The following SDK1 variants were observed in gnomAD, a reference collection of about 807,000 sequenced individuals.
The protein encoded by SDK1 is sidekick cell adhesion molecule 1.
SDK1 carries 157 observed loss-of-function variants against 245.5 expected under a neutral mutation model. That is an observed-to-expected ratio of 0.64 (90% CI 0.56 to 0.73). The LOEUF (loss-of-function observed/expected upper bound fraction) is 0.73, where lower values mean the gene tolerates loss of function less well. Among genes scored for constraint, SDK1 ranks in the 30% least tolerant of loss-of-function variants. The pLI is 0.00. For missense variants in SDK1, 3,583 were observed against 3,002.3 expected (o/e 1.19, Z -4.52); for synonymous variants, 1,647 against 1,278.5 (o/e 1.29, Z -6.15).
chr7:3,539,509 C>G (rs955149416), intron 1 of SDK1, among the ~76,000 whole-genome samples: 4 of 152,274 alleles, frequency 2.6e-5, no homozygotes, highest in Non-Finnish European at 5.9e-5. Context: ...TTTCTGCCCG[C>G]CTTGAAAGTC....
chr7:3,634,067 A>T (rs1464607765), intron 2 of SDK1, among the ~76,000 whole-genome samples: 4 of 152,068 alleles, frequency 2.6e-5, no homozygotes, highest in African/African-American at 9.7e-5. Flanking sequence ...ATCCAGAGCA[A>T]ATGTGTCTAA....
chr7:3,410,109 C>G (rs563007380), intron 1 of SDK1, among the ~76,000 whole-genome samples: 12 of 152,204 alleles, frequency 7.9e-5, no homozygotes, highest in African/African-American at 2.4e-4. Flanking sequence ...ATAAGTAATA[C>G]TTAAGTGTTA....
intron 17 of SDK1, among the ~76,000 whole-genome samples, chr7:4,033,094 G>A (rs1158917760): frequency 1.3e-5 from 2 of 152,174 alleles, no homozygotes; most frequent in Non-Finnish European, 2.9e-5. Flanking sequence ...CTAAAATGGT[G>A]TGTCTATTGG....
At chr7:4,197,492 A>G (rs1174879565) in intron 35 of SDK1, among the ~76,000 whole-genome samples, 1 of 152,178 alleles carries the variant, frequency 6.6e-6, no homozygotes, top group African/African-American at 2.4e-5. Context: ...CATCTCAGAA[A>G]AAAAAAGTTA....
chr7:3,922,189 G>A (rs1779608966), intron 5 of SDK1, among the ~76,000 whole-genome samples: 1 of 150,248 alleles, frequency 6.7e-6, no homozygotes, highest in Non-Finnish European at 1.5e-5. Context: ...CGCCGGAGAA[G>A]GTGAGTCTGA....
intron 16 of SDK1, among the ~76,000 whole-genome samples, chr7:4,015,304 C>T (rs1237781513): frequency 2.6e-5 from 4 of 152,150 alleles, no homozygotes; most frequent in South Asian, 2.1e-4. Flanking sequence ...CATTGTGTAG[C>T]GTTGGGTCCA....
In SDK1 at chr7:4,186,539, G is replaced by T. The variant is rs182003646; in HGVS notation, c.5098+7953G>T. Among the ~76,000 whole-genome samples the T allele has an allele frequency of 6.2e-3, 945 of 152,302 alleles. 8 individuals are homozygous for T. The highest frequency in any genetic ancestry group is 0.022 in the African/African-American group (897 of 41,570). On this transcript the variant is annotated intron_variant, in intron 35 of 44. Transcript: ENST00000404826. ...GACCCTTAGCTCGTCCCCGGAGCCG[G>T]CTCGCCTTCCCCACCTGCTGAGCCC...
intron 5 of SDK1, among the ~76,000 whole-genome samples, chr7:3,912,799 G>A (rs1465467410): frequency 6.6e-6 from 1 of 152,202 alleles, no homozygotes; most frequent in Non-Finnish European, 1.5e-5. Context: ...TTGGCAGCTG[G>A]GTGGAGAAGA....
intron 5 of SDK1, among the ~76,000 whole-genome samples, chr7:3,938,934 A>G (rs1780259495): frequency 1.3e-5 from 2 of 152,216 alleles, no homozygotes; most frequent in South Asian, 2.1e-4. Context: ...AACTTTTCAA[A>G]TATGTTATAA....
At chr7:3,487,773 AAAAG>A (rs1353854595) in intron 1 of SDK1, among the ~76,000 whole-genome samples, 1 of 151,190 alleles carries the variant, frequency 6.6e-6, no homozygotes, top group Non-Finnish European at 1.5e-5. Context: ...AAAAAAAAAA[AAAAG>A]AAAAGGAATT....
intron 4 of SDK1, among the ~76,000 whole-genome samples, chr7:3,706,698 G>A (rs945744386): frequency 2.6e-5 from 4 of 152,110 alleles, no homozygotes; most frequent in Admixed American, 6.5e-5. Flanking sequence ...CACTGTGCTC[G>A]GCCAGCAACT....
intron 16 of SDK1, among the ~76,000 whole-genome samples, chr7:4,015,831 C>G (rs1164501578): frequency 2.0e-5 from 3 of 152,156 alleles, no homozygotes; most frequent in African/African-American, 7.2e-5. Flanking sequence ...CAAGGGCCAT[C>G]TGCTTATCAT....
chr7:4,063,597 C>CAAAAAA (rs35423286), intron 19 of SDK1, among the ~76,000 whole-genome samples: 1 of 125,158 alleles, frequency 8.0e-6, no homozygotes, highest in South Asian at 2.6e-4. Flanking sequence ...ACAGAAATAG[C>CAAAAAA]AAAAAAAAAA....
intron 1 of SDK1, among the ~76,000 whole-genome samples, chr7:3,545,515 C>T (rs375743791): frequency 5.3e-5 from 8 of 152,268 alleles, no homozygotes; most frequent in African/African-American, 1.2e-4. Flanking sequence ...TATTTATCTG[C>T]GTGTATTTTC....
chr7:3,772,613 G>A (rs1780435654), intron 4 of SDK1, among the ~76,000 whole-genome samples: 1 of 152,152 alleles, frequency 6.6e-6, no homozygotes, highest in South Asian at 2.1e-4. Context: ...TTACAAACTA[G>A]TGCTAAAATA....
chr7:4,230,569 T>A (rs662366), intron 40 of SDK1, among the ~76,000 whole-genome samples: 94,047 of 151,308 alleles, frequency 0.62, 30,147 homozygotes, highest in African/African-American at 0.75. Context: ...GAAGGAAGGA[T>A]GAATGGATGG....
intron 1 of SDK1, among the ~76,000 whole-genome samples, chr7:3,507,241 T>A (rs1782422836): frequency 6.6e-6 from 1 of 152,202 alleles, no homozygotes; most frequent in African/African-American, 2.4e-5. Flanking sequence ...TTTTGTGTTG[T>A]CTCTTGAAAT....
At chr7:3,613,665 G>C (rs937475181) in intron 1 of SDK1, among the ~76,000 whole-genome samples, 1 of 152,066 alleles carries the variant, frequency 6.6e-6, no homozygotes, top group Non-Finnish European at 1.5e-5. Context: ...AATATAAATC[G>C]TTCTATTATA....
chr7:3,851,665 A>G (rs893277260), intron 5 of SDK1, among the ~76,000 whole-genome samples: 69 of 152,198 alleles, frequency 4.5e-4, no homozygotes, highest in African/African-American at 1.6e-3. Context: ...GCGGCTTGAT[A>G]TATGTGATTT....
Sources: gnomAD v4.1 joint callset for allele counts (sites outside exome capture counted in the v4.1 genomes callset) on GRCh38, gnomAD v4.1.1 for gene constraint, MANE v1.5 for transcripts, NCBI Gene and HGNC (gene_info 2026-07-23, HGNC 2026-07-21) for gene names.